Variants in TASP1 observed in about 807,000 individuals in gnomAD.
TASP1 encodes the protein taspase 1, also known as threonine aspartase 1.
A neutral mutation model predicts 56.6 loss-of-function variants in TASP1; 16 were observed. That is an observed-to-expected ratio of 0.28 (90% CI 0.19 to 0.43). TASP1 has a LOEUF of 0.43. Among genes scored for constraint, TASP1 ranks in the 20% least tolerant of loss-of-function variants. TASP1 has a pLI of 1.00. For missense variants in TASP1, 393 were observed against 511.6 expected, an observed-to-expected ratio of 0.77 and a Z score of 2.24; for synonymous variants, 179 against 184.2, an observed-to-expected ratio of 0.97 and a Z score of 0.23.
intron 13 of TASP1, among the ~76,000 whole-genome samples, chr20:13,395,454 C>G (rs1422901569): frequency 6.6e-6 from 1 of 152,188 alleles, no homozygotes; most frequent in Non-Finnish European, 1.5e-5. Context: ...TAGAAAACAT[C>G]TAATTTTTCA....
the TASP1 span, among the ~76,000 whole-genome samples, chr20:13,172,226 T>C: frequency 6.6e-6 from 1 of 152,068 alleles, no homozygotes; most frequent in Admixed American, 6.6e-5. Flanking sequence ...GATTTTTATC[T>C]AAATACACCT....
At position 13,587,471 on chromosome 20, in the gene TASP1, C is replaced by G. The variant is rs1229905924; in HGVS notation, c.283-101G>C. 3 of 948,214 alleles carry G rather than the reference C, an allele frequency of 3.2e-6. No homozygotes were observed. In the African/African-American group the frequency reaches 5.0e-5, roughly 16 times the overall value. 58.7% of individuals were successfully genotyped at this position (948,214 alleles called of 1,614,324 possible). ...CTAAAAGCTAGAAGGTGAGAGAATACTTTCCAACACATAGTATGATGCCAA... is the reference window on the plus strand; with the variant it reads ...CTAAAAGCTAGAAGGTGAGAGAATAGTTTCCAACACATAGTATGATGCCAA... On this transcript the variant is annotated intron_variant, in intron 4 of 13. Coordinates refer to ENST00000337743, the MANE Select transcript of TASP1 (RefSeq NM_017714.3).
At chr20:13,464,841 A>T (rs1277786456) in intron 11 of TASP1, among the ~76,000 whole-genome samples, 1 of 152,078 alleles carries the variant, frequency 6.6e-6, no homozygotes, top group African/African-American at 2.4e-5. Flanking sequence ...GAATGTGAAG[A>T]TGCTTAACCC....
intron 13 of TASP1, among the ~76,000 whole-genome samples, chr20:13,412,755 T>C (rs1198669018): frequency 6.6e-6 from 1 of 152,170 alleles, no homozygotes; most frequent in African/African-American, 2.4e-5. Context: ...AGGTACTATA[T>C]TGGTATTACA....
intron 12 of TASP1, among the ~76,000 whole-genome samples, chr20:13,424,231 TATTA>T (rs2146112265): frequency 6.6e-6 from 1 of 152,344 alleles, no homozygotes; most frequent in African/African-American, 2.4e-5. Flanking sequence ...CAAAATGTGT[TATTA>T]GTTAAGTCCT....
intron 8 of TASP1, among the ~76,000 whole-genome samples, chr20:13,551,225 T>C (rs1274529489): frequency 6.6e-5 from 10 of 152,124 alleles, no homozygotes; most frequent in African/African-American, 2.4e-4. Context: ...AACTTGTTTA[T>C]TAAAAATCAA....
the TASP1 span, among the ~76,000 whole-genome samples, chr20:13,311,143 G>A: frequency 2.6e-5 from 4 of 152,086 alleles, no homozygotes; most frequent in African/African-American, 7.2e-5. Context: ...GCAGTGAGCT[G>A]AGATCATGCC....
chr20:13,470,223 T>C (rs1489280729), intron 11 of TASP1, among the ~76,000 whole-genome samples: 1 of 152,090 alleles, frequency 6.6e-6, no homozygotes, highest in Non-Finnish European at 1.5e-5. Context: ...CTGCGTCTTG[T>C]TTTAAATGAA....
chr20:13,354,470 A>G, the TASP1 span, among the ~76,000 whole-genome samples: 1 of 152,204 alleles, frequency 6.6e-6, no homozygotes, highest in African/African-American at 2.4e-5. Flanking sequence ...AGTCACAGCA[A>G]CCTGTGCTAG....
the TASP1 span, among the ~76,000 whole-genome samples, chr20:13,187,170 C>T: frequency 1.3e-5 from 2 of 151,684 alleles, no homozygotes; most frequent in Non-Finnish European, 2.9e-5. Flanking sequence ...ACAGAAACTT[C>T]CCAAACTGAA....
At chr20:13,210,302 T>C in the TASP1 span, among the ~76,000 whole-genome samples, 1 of 152,164 alleles carries the variant, frequency 6.6e-6, no homozygotes, top group African/African-American at 2.4e-5. Context: ...AGGACTAAGG[T>C]TCTATGAATA....
intron 1 of TASP1, among the ~76,000 whole-genome samples, chr20:13,634,598 CGA>C: frequency 6.6e-6 from 1 of 151,982 alleles, no homozygotes; most frequent in East Asian, 1.9e-4. Context: ...GGTGCGGTGG[CGA>C]GCGCCTGTAA....
At chr20:13,171,241 A>T in the TASP1 span, among the ~76,000 whole-genome samples, 9 of 152,268 alleles carry the variant, frequency 5.9e-5, no homozygotes, top group Admixed American at 2.0e-4. Context: ...CCAGTCTTTT[A>T]AAAAAACGTT....
At chr20:13,516,661 T>G (rs1248705821) in intron 10 of TASP1, among the ~76,000 whole-genome samples, 4 of 86,556 alleles carry the variant, frequency 4.6e-5, no homozygotes, top group African/African-American at 8.3e-5. Flanking sequence ...CGCCTTTGTT[T>G]TTTTTTTTTT....
the TASP1 span, among the ~76,000 whole-genome samples, chr20:13,359,624 T>C: frequency 7.6e-3 from 1,071 of 140,886 alleles, no homozygotes; most frequent in African/African-American, 0.013. Flanking sequence ...CGGCCAGGCT[T>C]CTAAACCTCT....
At chr20:13,352,196 T>C in the TASP1 span, among the ~76,000 whole-genome samples, 480 of 152,302 alleles carry the variant, frequency 3.2e-3, 2 homozygotes, top group South Asian at 8.3e-3. Context: ...AAGCCTGTAA[T>C]CTCAGCACTT....
chr20:13,372,553 TTA>T, the TASP1 span, among the ~76,000 whole-genome samples: 1 of 151,346 alleles, frequency 6.6e-6, no homozygotes, highest in East Asian at 1.9e-4. Context: ...ATATGTAATT[TTA>T]TATATATACA....
At chr20:13,361,690 T>G in the TASP1 span, among the ~76,000 whole-genome samples, 1 of 152,112 alleles carries the variant, frequency 6.6e-6, no homozygotes. Context: ...CTATCTTCTG[T>G]CTAGTCATAC....
the TASP1 span, among the ~76,000 whole-genome samples, chr20:13,320,046 C>T: frequency 3.3e-5 from 5 of 152,174 alleles, no homozygotes; most frequent in Admixed American, 6.5e-5. Context: ...GACCCAACAC[C>T]CCAAAGTCAG....
Sources: allele counts gnomAD v4.1 joint callset (sites outside exome capture counted in the v4.1 genomes callset), GRCh38; gene constraint gnomAD v4.1.1; transcripts MANE v1.5; gene names NCBI Gene and HGNC (gene_info 2026-07-23, HGNC 2026-07-21).